Variants in MAN1A2 observed in about 807,000 individuals in gnomAD.
MAN1A2 encodes the protein mannosyl-oligosaccharide 1,2-alpha-mannosidase IB.
Under a neutral mutation model 75.7 loss-of-function variants are expected in MAN1A2, and 26 were observed. The ratio of observed to expected loss-of-function variants is 0.34; its 90% CI spans 0.25 to 0.48. The LOEUF (loss-of-function observed/expected upper bound fraction) is 0.48, where lower values mean the gene tolerates loss of function less well. Ranked by LOEUF, MAN1A2 falls within the 20% of genes least tolerant of loss-of-function variation. MAN1A2 has a pLI of 0.99. For synonymous variants in MAN1A2, 247 were observed against 264.6 expected (o/e 0.93, Z 0.65); for missense variants, 562 against 775.5 (o/e 0.72, Z 3.27).
intron 1 of MAN1A2, among the ~76,000 whole-genome samples, chr1:117,396,754 CAG>C (rs1399824431): frequency 6.6e-6 from 1 of 152,130 alleles, no homozygotes; most frequent in Non-Finnish European, 1.5e-5. Flanking sequence ...TAATTTGGAA[CAG>C]AGAGGTTAGA....
chr1:117,439,079 A>G (rs1178782489), intron 5 of MAN1A2, among the ~76,000 whole-genome samples: 1 of 152,236 alleles, frequency 6.6e-6, no homozygotes, highest in Non-Finnish European at 1.5e-5. Context: ...TTTAATAGGC[A>G]TAGCAAATAA....
At chr1:117,430,280 G>A (rs61805781) in intron 5 of MAN1A2, among the ~76,000 whole-genome samples, 2,342 of 110,664 alleles carry the variant, frequency 0.021, no homozygotes, top group African/African-American at 0.079. Context: ...CCTCCCTCCC[G>A]GATGGGGCGG....
intron 5 of MAN1A2, among the ~76,000 whole-genome samples, chr1:117,428,540 C>T (rs1648455626): frequency 1.3e-5 from 2 of 152,006 alleles, no homozygotes; most frequent in Non-Finnish European, 2.9e-5. Flanking sequence ...ATCAATAATG[C>T]CATTAAGTTT....
chr1:117,445,068 T>C (rs1649170148), intron 6 of MAN1A2, among the ~76,000 whole-genome samples: 2 of 152,168 alleles, frequency 1.3e-5, no homozygotes, highest in South Asian at 4.1e-4. Context: ...GTTGTTGTTT[T>C]ATCATGAATG....
chr1:117,499,609 A>C, intron 11 of MAN1A2, 55 bp downstream of exon 11: 2 of 1,403,168 alleles, frequency 1.4e-6, no homozygotes, highest in Non-Finnish European at 1.9e-6. Flanking sequence ...ATGCCCTCCT[A>C]TGATGCCACA....
intron 6 of MAN1A2, among the ~76,000 whole-genome samples, chr1:117,442,545 T>G (rs1465418141): frequency 6.6e-6 from 1 of 152,190 alleles, no homozygotes; most frequent in Admixed American, 6.5e-5. Context: ...TGTCTTAACT[T>G]GATTGCAGTT....
intron 7 of MAN1A2, among the ~76,000 whole-genome samples, chr1:117,465,354 G>T (rs1649950280): frequency 1.3e-5 from 2 of 152,044 alleles, no homozygotes; most frequent in Non-Finnish European, 2.9e-5. Flanking sequence ...CTAAAAAGTG[G>T]TCTATGGAAT....
chr1:117,429,405 G>T (rs1295093064), intron 5 of MAN1A2, among the ~76,000 whole-genome samples: 5 of 131,976 alleles, frequency 3.8e-5, no homozygotes, highest in Non-Finnish European at 8.4e-5. Flanking sequence ...CTCACCTCCC[G>T]GACGGGGCGG....
chr1:117,445,876 GTGTGTGTGTATATATATATATA>G (rs1649214039), intron 6 of MAN1A2, among the ~76,000 whole-genome samples: 8 of 97,410 alleles, frequency 8.2e-5, no homozygotes, highest in Non-Finnish European at 1.5e-4. Flanking sequence ...GTGTGTGTCT[GTGTGTGTGTATATATATATATA>G]TGTATATATG....
chr1:117,514,647 T>C (rs1296061987), intron 12 of MAN1A2, among the ~76,000 whole-genome samples: 1 of 152,146 alleles, frequency 6.6e-6, no homozygotes, highest in Non-Finnish European at 1.5e-5. Context: ...AGTGGCTTTG[T>C]CCATAAAACA....
chr1:117,468,160 G>A (rs1306342866), intron 8 of MAN1A2, among the ~76,000 whole-genome samples: 1 of 152,092 alleles, frequency 6.6e-6, no homozygotes, highest in Non-Finnish European at 1.5e-5. Context: ...TTACAATCAT[G>A]GCAGAAGGGG....
intron 12 of MAN1A2, among the ~76,000 whole-genome samples, chr1:117,520,506 C>G (rs1308611093): frequency 2.6e-5 from 4 of 152,142 alleles, no homozygotes; most frequent in Admixed American, 1.3e-4. Flanking sequence ...AAATCAATAG[C>G]TCTTCTATAC....
chr1:117,440,003 C>T (rs1648978146), intron 5 of MAN1A2, among the ~76,000 whole-genome samples: 1 of 152,116 alleles, frequency 6.6e-6, no homozygotes, highest in South Asian at 2.1e-4. Context: ...ACTGTAGAAA[C>T]AAATTAAATG....
At chr1:117,503,147 G>A (rs1442867417) in intron 12 of MAN1A2, among the ~76,000 whole-genome samples, 177 bp downstream of exon 12, 3 of 151,486 alleles carry the variant, frequency 2.0e-5, no homozygotes, top group African/African-American at 7.3e-5. Flanking sequence ...TAGACTATAA[G>A]GTAGGTATTT....
chr1:117,431,185 C>A (rs1298993274), intron 5 of MAN1A2, among the ~76,000 whole-genome samples: 2 of 61,744 alleles, frequency 3.2e-5, no homozygotes, highest in Admixed American at 2.5e-4. Flanking sequence ...AGAGGGAGAC[C>A]GTGGGGAGAG....
intron 3 of MAN1A2, among the ~76,000 whole-genome samples, chr1:117,414,143 G>A (rs1405437093): frequency 1.3e-5 from 2 of 151,002 alleles, no homozygotes; most frequent in African/African-American, 4.9e-5. Context: ...TTTGTTTGAT[G>A]GTTTCCTTTT....
chr1:117,393,961 T>C (rs180753345), intron 1 of MAN1A2, among the ~76,000 whole-genome samples: 2 of 152,332 alleles, frequency 1.3e-5, no homozygotes, highest in East Asian at 1.9e-4. Context: ...AAGGAAATTA[T>C]GTTTACTGAG....
Position 117,402,272 on chromosome 1 carries a change from G to C in MAN1A2, c.389G>C (p.Arg130Thr), listed in dbSNP as rs1647459753. The C allele has an allele frequency of 1.2e-6, 2 of 1,613,778 alleles. No homozygotes were observed. The highest frequency in any genetic ancestry group is 2.2e-5 in the East Asian group (1 of 44,848). ...EEAKEKLRKS[R>T]EEIRAEIQTE... Reference sequence around the variant, plus strand: ...GCAAAAGAAAAATTAAGAAAGTCAAGAGAGGAAATTCGAGCAGAAATTCAG... The same window carrying C: ...GCAAAAGAAAAATTAAGAAAGTCAACAGAGGAAATTCGAGCAGAAATTCAG... Residue 130 changes from arginine to threonine, a missense_variant, in exon 2 of 13, where the codon AGA becomes ACA. Transcript: ENST00000356554.
intron 6 of MAN1A2, among the ~76,000 whole-genome samples, chr1:117,460,123 C>T (rs1340008856): frequency 6.7e-6 from 1 of 149,970 alleles, no homozygotes; most frequent in Non-Finnish European, 1.5e-5. Context: ...AGACCACCAA[C>T]TTGCTATGTT....
Sources: allele counts gnomAD v4.1 joint callset (sites outside exome capture counted in the v4.1 genomes callset), GRCh38; gene constraint gnomAD v4.1.1; transcripts MANE v1.5; gene names NCBI Gene and HGNC (gene_info 2026-07-23, HGNC 2026-07-21).